HSPBP1: variants seen among roughly 807,000 people sequenced by gnomAD.
The protein encoded by HSPBP1 is hsp70-binding protein 1.
HSPBP1 carries 31 observed loss-of-function variants against 41.7 expected under a neutral mutation model. That is an observed-to-expected ratio of 0.74 (90% CI 0.56 to 1.00). HSPBP1 has a LOEUF of 1.00. Ranked by LOEUF, HSPBP1 falls within the 50% of genes least tolerant of loss-of-function variation. The pLI is 0.00. For synonymous variants in HSPBP1, 199 were observed against 214.4 expected (o/e 0.93, Z 0.63); for missense variants, 439 against 487.9 (o/e 0.90, Z 0.94).
intron 7 of HSPBP1, 90 bp downstream of exon 7, chr19:55,265,188 T>TCC: frequency 4.3e-6 from 1 of 232,884 alleles, no homozygotes; most frequent in Non-Finnish European, 7.3e-6. Flanking sequence ...TCGAACCCCA[T>TCC]CCCCTCCCCA....
chr19:55,274,553 C>T lies in HSPBP1; in HGVS notation c.485G>A (p.Arg162Gln), dbSNP rs369191820. ...GCCGATGAGCTGTGCCGCCCGCCACCGCAGTCCCGCAGCCCCCGCCTCCAG... is the reference window on the plus strand; with the variant it reads ...GCCGATGAGCTGTGCCGCCCGCCACTGCAGTCCCGCAGCCCCCGCCTCCAG... ...RYLEAGAAGL[R>Q]WRAAQLIGTC... Residue 162 changes from arginine to glutamine, a missense_variant, in exon 4 of 8, where the codon CGG (arginine) becomes CAG (glutamine). By Grantham distance (43) the Arg-to-Gln change is conservative. Coordinates refer to ENST00000433386, the MANE Select transcript of HSPBP1 (RefSeq NM_012267.5). 11 of 1,608,962 alleles carry T rather than the reference C, an allele frequency of 6.8e-6. No individual in the cohort carries two copies. In the African/African-American group the frequency reaches 8.0e-5, roughly 12 times the overall value.
At position 55,262,561 on chromosome 19, in the gene HSPBP1, A is replaced by G; in HGVS notation, c.*47T>C. The stretch of plus-strand genomic sequence containing the variant: ...GGCCTTGTAGGTGGGGAGGGAGGCA[A>G]GAGGCCTGGGGTTCCCACGGAGAAG... On this transcript the variant is annotated 3_prime_UTR_variant, in exon 8 of 8. Coordinates refer to ENST00000433386, the MANE Select transcript of HSPBP1 (RefSeq NM_012267.5). 1.2e-6 allele frequency: 2 copies of G among 1,606,534 alleles called. No homozygotes were observed. Among genetic ancestry groups the G allele is most frequent in the Non-Finnish European group, 1.7e-6 (2 of 1,176,252 alleles).
rs1206962543 is a variant in HSPBP1, at chr19:55,262,336, C to A, written c.*272G>T. On this transcript the variant is annotated 3_prime_UTR_variant, in exon 8 of 8. Coordinates refer to ENST00000433386, the MANE Select transcript of HSPBP1 (RefSeq NM_012267.5). ...CCTCCAAAGGAGATGACAAAGGCGG[C>A]AGTGAAGGAGGAGAAGGAGGAAGAG... The A allele has an allele frequency of 1.6e-6, 2 of 1,271,946 alleles. No individual in the cohort carries two copies. The highest frequency in any genetic ancestry group is 2.0e-5 in the South Asian group (1 of 50,272). 78.8% of individuals were successfully genotyped at this position (1,271,946 alleles called of 1,614,324 possible).
intron 4 of HSPBP1, among the ~76,000 whole-genome samples, chr19:55,271,329 G>A (rs1034888033): frequency 6.6e-5 from 10 of 151,848 alleles, no homozygotes; most frequent in African/African-American, 2.4e-4. Context: ...TCCCTCCTCA[G>A]CCTCCCAGGT....
chr19:55,275,055 G>A (rs183344485), intron 3 of HSPBP1, among the ~76,000 whole-genome samples: 3 of 152,286 alleles, frequency 2.0e-5, no homozygotes, highest in Admixed American at 1.3e-4. Flanking sequence ...TGCTGAGGCC[G>A]GGAGAGCCAG....
chr19:55,266,331 C>T (rs746629819), intron 4 of HSPBP1, 45 bp from the exon 5 acceptor site: 56 of 1,519,722 alleles, frequency 3.7e-5, no homozygotes, highest in Admixed American at 8.3e-5. Context: ...ACCACCACCA[C>T]CACTGTCATC....
At chr19:55,278,112 T>G (rs969849308) in intron 2 of HSPBP1, among the ~76,000 whole-genome samples, 3 of 152,032 alleles carry the variant, frequency 2.0e-5, no homozygotes, top group Non-Finnish European at 4.4e-5. Context: ...CCAGGCCTGG[T>G]GGCGTGAGCC....
At chr19:55,274,675 C>T (rs769824882) in intron 3 of HSPBP1, 53 bp from the exon 4 acceptor site, 77 of 1,475,858 alleles carry the variant, frequency 5.2e-5, no homozygotes, top group Middle Eastern at 2.0e-4. Flanking sequence ...CTGAACCGTG[C>T]CCCCCAAAAT....
intron 4 of HSPBP1, among the ~76,000 whole-genome samples, chr19:55,267,158 A>G (rs1219703502): frequency 6.6e-6 from 1 of 151,722 alleles, no homozygotes; most frequent in South Asian, 2.1e-4. Context: ...TTACTTATTT[A>G]TTTCATTTTG....
In HSPBP1 at chr19:55,265,238, G is replaced by C. The variant is rs746835128; in HGVS notation, c.1005+40C>G. 31 of 1,292,958 alleles carry C rather than the reference G, an allele frequency of 2.4e-5. No homozygotes were observed. The Admixed American group carries it at 6.6e-4, about 27-fold the overall frequency. 80.1% of individuals were successfully genotyped at this position (1,292,958 alleles called of 1,614,324 possible). Reference sequence around the variant, plus strand: ...CTGGAGCCCTTGTCCCCTCCCCCTTGCACCTGGTCCTCCTTGCACCCCGTC... The same window carrying C: ...CTGGAGCCCTTGTCCCCTCCCCCTTCCACCTGGTCCTCCTTGCACCCCGTC... On this transcript the variant is annotated intron_variant, in intron 7 of 7. Coordinates refer to ENST00000433386, the MANE Select transcript of HSPBP1 (RefSeq NM_012267.5).
chr19:55,274,666 T>C (rs200370801), intron 3 of HSPBP1, 44 bp from the exon 4 acceptor site: 102 of 1,524,634 alleles, frequency 6.7e-5, no homozygotes, highest in Non-Finnish European at 8.6e-5. Flanking sequence ...TGTTAGGGAC[T>C]GAACCGTGCC....
chr19:55,279,362 GC>G (rs1568972270), intron 2 of HSPBP1, 36 bp downstream of exon 2: 1 of 1,543,982 alleles, frequency 6.5e-7, no homozygotes, highest in South Asian at 1.2e-5. Context: ...CTGTCCCCAG[GC>G]CCCTCACCCC....
chr19:55,271,979 T>C (rs989442990), intron 4 of HSPBP1, among the ~76,000 whole-genome samples: 18 of 151,956 alleles, frequency 1.2e-4, no homozygotes, highest in Non-Finnish European at 2.4e-4. Flanking sequence ...GGGGAATCCC[T>C]TGAACCTGGG....
intron 5 of HSPBP1, 72 bp from the exon 6 acceptor site, chr19:55,266,054 C>T (rs1393473856): frequency 4.5e-6 from 7 of 1,562,498 alleles, no homozygotes; most frequent in Non-Finnish European, 5.2e-6. Context: ...GATGCCTGTT[C>T]CTCCCCTTCT....
At chr19:55,267,464 CTTT>C (rs76720832) in intron 4 of HSPBP1, among the ~76,000 whole-genome samples, 1,626 of 146,756 alleles carry the variant, frequency 0.011, 26 homozygotes, top group African/African-American at 0.032. Context: ...TCATCTCTCT[CTTT>C]TTTTTTTTTT....
At chr19:55,277,937 G>GAA in intron 2 of HSPBP1, 91 bp from the exon 3 acceptor site, 1 of 1,066,090 alleles carries the variant, frequency 9.4e-7, no homozygotes, top group Non-Finnish European at 1.3e-6. Flanking sequence ...ACAACTGAGG[G>GAA]CTGATGTTCC....
At position 55,270,231 on chromosome 19, in the gene HSPBP1, T is replaced by C. The variant is rs2087885170; in HGVS notation, c.641-3945A>G. The stretch of plus-strand genomic sequence containing the variant: ...GCTCTTGCCCTGCATCGTGCACAAC[T>C]TTCGCTGGGGAAGCCGACCACCACG... On this transcript the variant is annotated intron_variant, in intron 4 of 7. Coordinates refer to ENST00000433386, the MANE Select transcript of HSPBP1 (RefSeq NM_012267.5). This position sits in a 1 kb window ranked among gnomAD's most constrained non-coding sequence, Gnocchi z 5.4. 6.6e-6 allele frequency among the ~76,000 whole-genome samples: 1 copy of C among 152,170 alleles called. No individual in the cohort carries two copies. The highest frequency in any genetic ancestry group is 2.4e-5 in the African/African-American group (1 of 41,432).
chr19:55,279,775 C>G (rs951405883), intron 1 of HSPBP1, 73 bp from the exon 2 acceptor site: 6 of 1,491,282 alleles, frequency 4.0e-6, no homozygotes, highest in Middle Eastern at 1.7e-4. Context: ...CCCCAGCCCA[C>G]TTAACCACAG....
rs2088163909 is a variant in HSPBP1 at position 55,279,347 on chromosome 19, T to G, written c.210+52A>C. On this transcript the variant is annotated intron_variant, in intron 2 of 7. Coordinates refer to ENST00000433386, the MANE Select transcript of HSPBP1 (RefSeq NM_012267.5). ...CCCAAGTCACACTTCCCAAGGCAAC[T>G]CTATCTGTCCCCAGGCCCCTCACCC... is the stretch of plus-strand genomic sequence containing the variant. 4.0e-6 allele frequency: 6 copies of G among 1,502,362 alleles called. No individual in the cohort carries two copies. The South Asian group carries it at 7.2e-5, about 18-fold the overall frequency. 93.1% of individuals were successfully genotyped at this position (1,502,362 alleles called of 1,614,324 possible). A position where few individuals can be genotyped will look rare whatever the true frequency, so the allele number is the denominator to read the frequency against.
Sources: allele counts gnomAD v4.1 joint callset (sites outside exome capture counted in the v4.1 genomes callset), GRCh38; gene constraint gnomAD v4.1.1; non-coding constraint Gnocchi (gnomAD v3.1); transcripts MANE v1.5; gene names NCBI Gene and HGNC (gene_info 2026-07-23, HGNC 2026-07-21).